The following PEX5L variants were observed in gnomAD, a reference collection of about 807,000 sequenced individuals.
PEX5L encodes peroxisomal biogenesis factor 5 like.
A neutral mutation model predicts 84.0 loss-of-function variants in PEX5L; 30 were observed. The observed-to-expected ratio is 0.36, with a 90% CI of 0.27 to 0.48. The LOEUF is 0.48. Ranked by LOEUF, PEX5L falls within the 20% of genes least tolerant of loss-of-function variation. PEX5L has a pLI of 0.99. For missense variants in PEX5L, 533 were observed against 754.6 expected (o/e 0.71, Z 3.44); for synonymous variants, 270 against 283.1 (o/e 0.95, Z 0.46).
chr3:179,887,884 C>T, intron 3 of PEX5L, 100 bp from the exon 4 acceptor site: 1 of 801,510 alleles, frequency 1.2e-6, no homozygotes, highest in South Asian at 1.6e-5. Context: ...AGCAAGCCTA[C>T]CAAAAATAAA....
intron 7 of PEX5L, among the ~76,000 whole-genome samples, chr3:179,861,660 C>G (rs1746179368): frequency 6.6e-6 from 1 of 152,222 alleles, no homozygotes; most frequent in South Asian, 2.1e-4. Flanking sequence ...CCTCCTAACC[C>G]AGACACCTGA....
Position 180,030,373 on chromosome 3 carries a change from G to A in PEX5L, c.21+6206C>T, listed in dbSNP as rs6806249. On this transcript the variant is annotated intron_variant, in intron 1 of 14. Transcript: ENST00000467460. ...TCTTGCCAAACTGGGTGCTAGATCC[G>A]GTACATTCTTATTGTCTCCACCTTG... 9.4e-3 allele frequency among the ~76,000 whole-genome samples: 1,433 copies of A among 152,238 alleles called. 35 individuals are homozygous for A. Among genetic ancestry groups the A allele is most frequent in the African/African-American group, 0.032 (1,329 of 41,542 alleles).
chr3:180,001,169 C>T (rs1788368021), intron 1 of PEX5L, among the ~76,000 whole-genome samples: 1 of 152,004 alleles, frequency 6.6e-6, no homozygotes, highest in Non-Finnish European at 1.5e-5. Context: ...CATCTTTCTC[C>T]CGTGCTGGAT....
intron 2 of PEX5L, among the ~76,000 whole-genome samples, chr3:179,915,956 G>A (rs1475259223): frequency 1.3e-5 from 2 of 152,288 alleles, no homozygotes; most frequent in South Asian, 4.1e-4. Flanking sequence ...ACACCTCTTT[G>A]AGTGGATACA....
intron 1 of PEX5L, among the ~76,000 whole-genome samples, chr3:180,022,021 C>A (rs1041825482): frequency 6.6e-6 from 1 of 151,776 alleles, no homozygotes; most frequent in Non-Finnish European, 1.5e-5. Context: ...ATTTCTATTA[C>A]TTATTGATTC....
rs554916077 is a variant in PEX5L, at chr3:180,000,139, G to A, written c.22-28474C>T. 7.9e-5 allele frequency among the ~76,000 whole-genome samples: 12 copies of A among 152,224 alleles called. No individual in the cohort carries two copies. In the East Asian group the frequency reaches 2.3e-3, roughly 29 times the overall value. On this transcript the variant is annotated intron_variant, in intron 1 of 14. Coordinates refer to ENST00000467460, the MANE Select transcript of PEX5L (RefSeq NM_016559.3). ...GACATTACGTTCTTCTGGCCTAGAG[G>A]TCTTAGTTCCAGAGGGAGGAATGCT...
chr3:179,965,900 T>C (rs189849133), intron 2 of PEX5L, among the ~76,000 whole-genome samples: 2 of 152,222 alleles, frequency 1.3e-5, no homozygotes, highest in Admixed American at 6.5e-5. Context: ...TTCACTCTAG[T>C]AACTTTTCTA....
intron 2 of PEX5L, among the ~76,000 whole-genome samples, chr3:179,953,608 C>T (rs1296284024): frequency 6.6e-6 from 1 of 152,118 alleles, no homozygotes; most frequent in Non-Finnish European, 1.5e-5. Context: ...AGCAGGAGGG[C>T]TGTATCATTC....
intron 1 of PEX5L, among the ~76,000 whole-genome samples, chr3:179,986,181 T>TAA (rs1553923880): frequency 0.22 from 33,171 of 149,830 alleles, 5,059 homozygotes; most frequent in African/African-American, 0.44. Context: ...TATATATATA[T>TAA]AACTTTATGT....
At chr3:179,838,766 A>G (rs1735946737) in intron 8 of PEX5L, among the ~76,000 whole-genome samples, 1 of 152,192 alleles carries the variant, frequency 6.6e-6, no homozygotes, top group Non-Finnish European at 1.5e-5. Context: ...GCAAATAAAG[A>G]TATTTCTCAA....
At chr3:179,892,283 T>C (rs1433107250) in intron 3 of PEX5L, among the ~76,000 whole-genome samples, 1 of 152,150 alleles carries the variant, frequency 6.6e-6, no homozygotes. Flanking sequence ...GGTGACAGAT[T>C]CTTATTTCTC....
At chr3:179,932,235 G>T (rs1031011730) in intron 2 of PEX5L, among the ~76,000 whole-genome samples, 10 of 152,054 alleles carry the variant, frequency 6.6e-5, no homozygotes, top group African/African-American at 2.2e-4. Context: ...CTCAGGTATA[G>T]TATAGTCCTT....
rs1312145327 is a variant in PEX5L at position 180,010,442 on chromosome 3, C to A, written c.21+26137G>T. 2.6e-5 allele frequency among the ~76,000 whole-genome samples: 4 copies of A among 151,844 alleles called. No individual in the cohort carries two copies. The East Asian group carries it at 7.7e-4, about 29-fold the overall frequency. On this transcript the variant is annotated intron_variant, in intron 1 of 14. Coordinates refer to ENST00000467460, the MANE Select transcript of PEX5L (RefSeq NM_016559.3). Reference sequence around the variant, plus strand: ...AACAGGCATGAAGGCACTCTACAATCCAAAGGACAGTCCCCCAAAATAAAG... The same window carrying A: ...AACAGGCATGAAGGCACTCTACAATACAAAGGACAGTCCCCCAAAATAAAG...
At chr3:179,810,217 G>A (rs1410119686) in intron 11 of PEX5L, among the ~76,000 whole-genome samples, 1 of 151,590 alleles carries the variant, frequency 6.6e-6, no homozygotes, top group Non-Finnish European at 1.5e-5. Flanking sequence ...ATGTTGGCCA[G>A]GCTGGTCTCA....
chr3:179,980,869 C>CA (rs1345964414), intron 1 of PEX5L, among the ~76,000 whole-genome samples: 15 of 152,032 alleles, frequency 9.9e-5, no homozygotes, highest in Non-Finnish European at 2.2e-4. Flanking sequence ...ACTAAAAATA[C>CA]AAAAATTAGC....
rs1560513158 is a variant in PEX5L at position 179,879,964 on chromosome 3, G to A, written c.470C>T (p.Pro157Leu). 6.2e-6 allele frequency: 10 copies of A among 1,608,222 alleles called. No homozygotes were observed. The highest frequency in any genetic ancestry group is 8.5e-6 in the Non-Finnish European group (10 of 1,178,112). ...ISTDAEQRGQ[P>L]LRVPETSSLD... The stretch of plus-strand genomic sequence containing the variant: ...GGATGAAGTCTCCGGGACTCTGAGA[G>A]GCTGGCCTCTCTGCTCAGCATCCGT... Residue 157 changes from proline (P) to leucine (L), a missense_variant, in exon 5 of 15, where the codon CCT becomes CTT. Pro to Leu is a moderately conservative substitution (Grantham distance 98). This residue lies in a region of PEX5L where 259 missense variants were observed against 301.7 expected (regional missense o/e 0.86). Transcript: ENST00000467460.
chr3:179,857,193 T>C (rs1312751892), intron 8 of PEX5L, among the ~76,000 whole-genome samples: 2 of 152,086 alleles, frequency 1.3e-5, no homozygotes, highest in Non-Finnish European at 2.9e-5. Context: ...TAGTGACAAG[T>C]TGGGATAACA....
chr3:179,849,392 A>T (rs2339912), intron 8 of PEX5L, among the ~76,000 whole-genome samples: 2 of 152,062 alleles, frequency 1.3e-5, no homozygotes, highest in Non-Finnish European at 2.9e-5. Context: ...TCTGTTTTCC[A>T]TCTGATCTCA....
intron 1 of PEX5L, among the ~76,000 whole-genome samples, chr3:180,019,083 A>C (rs1052259216): frequency 7.9e-5 from 12 of 152,160 alleles, no homozygotes; most frequent in Admixed American, 5.9e-4. Context: ...AAAGGAGTGG[A>C]ACGTGTGAAG....
Sources: allele counts gnomAD v4.1 joint callset (sites outside exome capture counted in the v4.1 genomes callset), GRCh38; gene constraint gnomAD v4.1.1; regional missense constraint gnomAD v4.1.1; transcripts MANE v1.5; gene names NCBI Gene and HGNC (gene_info 2026-07-23, HGNC 2026-07-21).